The following VPS8 variants were observed in gnomAD, a reference collection of about 807,000 sequenced individuals.
The protein encoded by VPS8 is VPS8 subunit of CORVET complex.
A neutral mutation model predicts 216.4 loss-of-function variants in VPS8; 129 were observed. The observed-to-expected ratio is 0.60, with a 90% CI of 0.52 to 0.69. VPS8 has a LOEUF of 0.69. Ranked by LOEUF, VPS8 falls within the 30% of genes least tolerant of loss-of-function variation. The pLI is 0.00. For synonymous variants in VPS8, 571 were observed against 565.4 expected (o/e 1.01, Z -0.14); for missense variants, 1,531 against 1,683.5 (o/e 0.91, Z 1.59).
intron 1 of VPS8, among the ~76,000 whole-genome samples, chr3:184,814,600 AG>A (rs1230354268): frequency 6.6e-6 from 1 of 152,240 alleles, no homozygotes; most frequent in East Asian, 1.9e-4. Flanking sequence ...AACATAGAAA[AG>A]GTACAGTAAA....
intron 5 of VPS8, chr3:184,836,347 A>C (rs759005160): frequency 2.2e-6 from 1 of 456,204 alleles, no homozygotes; most frequent in African/African-American, 2.0e-5. Flanking sequence ...GATGAAATTC[A>C]TTCCTTTCAA....
intron 39 of VPS8, among the ~76,000 whole-genome samples, chr3:184,970,267 C>T (rs997639230): frequency 1.3e-5 from 2 of 152,120 alleles, no homozygotes; most frequent in Non-Finnish European, 2.9e-5. Flanking sequence ...GGAGGATTTG[C>T]TAATTGTGCT....
chr3:184,921,889 G>C (rs1738692492), intron 29 of VPS8, among the ~76,000 whole-genome samples: 2 of 152,048 alleles, frequency 1.3e-5, no homozygotes, highest in Non-Finnish European at 2.9e-5. Flanking sequence ...TTCTAAGTTA[G>C]GAGGGAAGAC....
At chr3:184,946,572 A>G (rs1162803572) in intron 36 of VPS8, among the ~76,000 whole-genome samples, 1 of 152,204 alleles carries the variant, frequency 6.6e-6, no homozygotes, top group Non-Finnish European at 1.5e-5. Context: ...CCATTACCTA[A>G]GGTGAAATCC....
chr3:184,848,017 A>C (rs985520381), intron 8 of VPS8, among the ~76,000 whole-genome samples: 1 of 152,012 alleles, frequency 6.6e-6, no homozygotes, highest in Admixed American at 6.6e-5. Context: ...GGTTCAAGCA[A>C]TTCTCCTGCC....
At chr3:184,908,310 G>A (rs984876692) in intron 25 of VPS8, among the ~76,000 whole-genome samples, 1 of 152,210 alleles carries the variant, frequency 6.6e-6, no homozygotes, top group African/African-American at 2.4e-5. Flanking sequence ...GTCCTTTGCC[G>A]GACTTGCAGC....
intron 29 of VPS8, among the ~76,000 whole-genome samples, chr3:184,920,458 A>G (rs1307917427): frequency 2.0e-5 from 3 of 152,218 alleles, no homozygotes; most frequent in Admixed American, 6.5e-5. Flanking sequence ...GATAATTGCT[A>G]TGTTAGTATG....
intron 34 of VPS8, among the ~76,000 whole-genome samples, chr3:184,934,177 T>G (rs1741194180): frequency 6.6e-6 from 1 of 151,824 alleles, no homozygotes; most frequent in African/African-American, 2.4e-5. Context: ...TTTTGTTTTG[T>G]TTTTTTTGAG....
At chr3:184,852,934 C>T (rs1166290010) in intron 11 of VPS8, among the ~76,000 whole-genome samples, 1 of 151,980 alleles carries the variant, frequency 6.6e-6, no homozygotes, top group South Asian at 2.1e-4. Flanking sequence ...CTTAGAATTG[C>T]CATGTTTGCT....
chr3:185,019,276 T>C (rs966024178), intron 45 of VPS8, among the ~76,000 whole-genome samples: 1 of 152,012 alleles, frequency 6.6e-6, no homozygotes, highest in African/African-American at 2.4e-5. Context: ...TGAGCCCCCA[T>C]GTTTGAGCAC....
rs183962331 is a variant in VPS8 at position 184,829,882 on chromosome 3, A to G, written c.223-2807A>G. 7.2e-4 allele frequency among the ~76,000 whole-genome samples: 109 copies of G among 152,242 alleles called. 1 individual carries two copies. Among genetic ancestry groups the G allele is most frequent in the African/African-American group, 2.5e-3 (105 of 41,562 alleles). ...TGTCGTTTTATTTTTTAAGTGATTT[A>G]TAGGAGTTCTTTATATATGCTAATA... On this transcript the variant is annotated intron_variant, in intron 3 of 47. Coordinates refer to ENST00000625842, the MANE Select transcript of VPS8 (RefSeq NM_001009921.3).
At chr3:184,991,631 A>G (rs927269134) in intron 42 of VPS8, among the ~76,000 whole-genome samples, 1 of 152,172 alleles carries the variant, frequency 6.6e-6, no homozygotes, top group Non-Finnish European at 1.5e-5. Context: ...TTGGATCCAC[A>G]TATTATAGTA....
chr3:184,964,903 G>A (rs1482969186), intron 38 of VPS8, among the ~76,000 whole-genome samples: 1 of 152,168 alleles, frequency 6.6e-6, no homozygotes, highest in Admixed American at 6.5e-5. Context: ...GAACATGGGT[G>A]TACAAACGCC....
intron 16 of VPS8, 114 bp downstream of exon 16, chr3:184,863,181 G>T: frequency 1.5e-6 from 2 of 1,311,712 alleles, no homozygotes; most frequent in East Asian, 2.4e-5. Context: ...CTGTCTTGAG[G>T]TGTTTCTTTA....
intron 31 of VPS8, 27 bp downstream of exon 31, chr3:184,926,677 TA>T: frequency 6.3e-7 from 1 of 1,576,554 alleles, no homozygotes; most frequent in South Asian, 1.2e-5. Context: ...CTCTTTTTGC[TA>T]AAAAATAGGA....
intron 21 of VPS8, among the ~76,000 whole-genome samples, chr3:184,884,865 T>C (rs1429475523): frequency 6.6e-6 from 1 of 152,204 alleles, no homozygotes; most frequent in Non-Finnish European, 1.5e-5. Context: ...GCCCTTACTA[T>C]CTTAGGAGCT....
chr3:184,892,481 A>AGCTGGGATT (rs1732534951), intron 22 of VPS8, among the ~76,000 whole-genome samples: 2 of 152,078 alleles, frequency 1.3e-5, no homozygotes, highest in East Asian at 1.9e-4. Flanking sequence ...CCTCCCGAAG[A>AGCTGGGATT]GCTGGGATTA....
intron 1 of VPS8, among the ~76,000 whole-genome samples, chr3:184,821,292 C>T (rs1717528391): frequency 6.6e-6 from 1 of 151,570 alleles, no homozygotes; most frequent in African/African-American, 2.4e-5. Flanking sequence ...GCAGAGCTAA[C>T]TTCATAGAAG....
chr3:184,856,865 A>G (rs1725356733), intron 14 of VPS8, among the ~76,000 whole-genome samples: 1 of 151,952 alleles, frequency 6.6e-6, no homozygotes, highest in South Asian at 2.1e-4. Flanking sequence ...GCATCTTTTG[A>G]TAACATTCAG....
Sources: gnomAD v4.1 joint callset for allele counts (sites outside exome capture counted in the v4.1 genomes callset) on GRCh38, gnomAD v4.1.1 for gene constraint, MANE v1.5 for transcripts, NCBI Gene and HGNC (gene_info 2026-07-23, HGNC 2026-07-21) for gene names.